Variants in ADARB2 observed in about 807,000 individuals in gnomAD.
The protein encoded by ADARB2 is adenosine deaminase RNA specific B2 (inactive), also known as inactive double-stranded RNA-specific editase B2.
ADARB2 carries 25 observed loss-of-function variants against 62.2 expected under a neutral mutation model. That is an observed-to-expected ratio of 0.40 (90% CI 0.29 to 0.56). The LOEUF is 0.56. Among genes scored for constraint, ADARB2 ranks in the 20% least tolerant of loss-of-function variants. The probability of loss-of-function intolerance (pLI) is 0.43; values close to 1 mark genes in which losing one functional copy is unlikely to be tolerated. For synonymous variants in ADARB2, 572 were observed against 500.8 expected, an observed-to-expected ratio of 1.14 and a Z score of -1.90; for missense variants, 1,071 against 1,077.4, an observed-to-expected ratio of 0.99 and a Z score of 0.08.
chr10:1,189,633 AGCTGCAGGG>A (rs1836810733), intron 8 of ADARB2, among the ~76,000 whole-genome samples: 1 of 152,076 alleles, frequency 6.6e-6, no homozygotes, highest in African/African-American at 2.4e-5. Flanking sequence ...GGGTGTCTGC[AGCTGCAGGG>A]GCACCTACTC....
intron 1 of ADARB2, among the ~76,000 whole-genome samples, chr10:1,511,950 A>T (rs1831941904): frequency 6.6e-6 from 1 of 151,594 alleles, no homozygotes; most frequent in African/African-American, 2.4e-5. Flanking sequence ...TCTATACTAG[A>T]TACCAAGACT....
At chr10:1,535,952 GC>G (rs1162426414) in intron 1 of ADARB2, among the ~76,000 whole-genome samples, 1 of 152,184 alleles carries the variant, frequency 6.6e-6, no homozygotes, top group Non-Finnish European at 1.5e-5. Flanking sequence ...TGAAAGGGAG[GC>G]AGACATCAAA....
At chr10:1,521,281 T>G (rs1564315916) in intron 1 of ADARB2, among the ~76,000 whole-genome samples, 1 of 152,198 alleles carries the variant, frequency 6.6e-6, no homozygotes, top group Non-Finnish European at 1.5e-5. Flanking sequence ...ATGTAGTGGT[T>G]AAAAGCAAGT....
intron 1 of ADARB2, among the ~76,000 whole-genome samples, chr10:1,621,936 TAAAG>T (rs1193250846): frequency 1.1e-4 from 16 of 151,756 alleles, no homozygotes; most frequent in African/African-American, 1.5e-4. Flanking sequence ...TGCAAAAAAA[TAAAG>T]AAAGAAAAAG....
At chr10:1,466,722 C>T (rs1316112382) in intron 1 of ADARB2, among the ~76,000 whole-genome samples, 1 of 152,158 alleles carries the variant, frequency 6.6e-6, no homozygotes, top group East Asian at 1.9e-4. Context: ...GTTGGATCCC[C>T]AGAAAGCCCC....
intron 3 of ADARB2, chr10:1,292,280 A>G (rs1452385594): frequency 2.0e-5 from 3 of 151,976 alleles, no homozygotes; most frequent in African/African-American, 7.3e-5. Flanking sequence ...CTTGTTTTTC[A>G]CTCCCAGGGA....
intron 3 of ADARB2, among the ~76,000 whole-genome samples, chr10:1,308,825 G>A (rs1831657383): frequency 6.6e-6 from 1 of 152,140 alleles, no homozygotes; most frequent in African/African-American, 2.4e-5. Context: ...TTTTAGAAAG[G>A]ACAGGATAAA....
intron 1 of ADARB2, among the ~76,000 whole-genome samples, chr10:1,654,350 GCCA>G (rs1834149603): frequency 6.6e-6 from 1 of 152,150 alleles, no homozygotes; most frequent in African/African-American, 2.4e-5. Flanking sequence ...CAGTGTGAGG[GCCA>G]CATTTCCTGG....
At chr10:1,264,335 G>C (rs1831173561) in intron 4 of ADARB2, among the ~76,000 whole-genome samples, 1 of 152,168 alleles carries the variant, frequency 6.6e-6, no homozygotes, top group Admixed American at 6.5e-5. Flanking sequence ...ATTCAGGGGA[G>C]ACAACGGAAG....
intron 1 of ADARB2, among the ~76,000 whole-genome samples, chr10:1,479,728 A>G (rs1404948285): frequency 6.6e-6 from 1 of 152,178 alleles, no homozygotes; most frequent in Non-Finnish European, 1.5e-5. Flanking sequence ...TAGTTATTTG[A>G]GGGATTCATT....
chr10:1,396,272 C>G (rs899654179), intron 1 of ADARB2, among the ~76,000 whole-genome samples: 1 of 152,132 alleles, frequency 6.6e-6, no homozygotes, highest in Non-Finnish European at 1.5e-5. Context: ...AGAGTGCTGC[C>G]GGACTGAACT....
intron 1 of ADARB2, among the ~76,000 whole-genome samples, chr10:1,698,880 C>T (rs12260730): frequency 0.032 from 4,860 of 152,332 alleles, 263 homozygotes; most frequent in African/African-American, 0.11. Context: ...CCTGCCTCAG[C>T]CTCCTGAGTA....
At chr10:1,410,674 C>T (rs759609975) in intron 1 of ADARB2, among the ~76,000 whole-genome samples, 3 of 152,126 alleles carry the variant, frequency 2.0e-5, no homozygotes, top group South Asian at 2.1e-4. Context: ...TCTGCCACAG[C>T]GGCTGCGGTG....
At chr10:1,479,405 C>T (rs540682224) in intron 1 of ADARB2, among the ~76,000 whole-genome samples, 7 of 152,266 alleles carry the variant, frequency 4.6e-5, no homozygotes, top group African/African-American at 1.2e-4. Context: ...CGGCCTCACA[C>T]GGCGGGTTTG....
chr10:1,431,821 C>T (rs147841751), intron 1 of ADARB2, among the ~76,000 whole-genome samples: 122 of 152,208 alleles, frequency 8.0e-4, no homozygotes, highest in African/African-American at 2.8e-3. Flanking sequence ...AAACTATGAA[C>T]AATTTTAAGT....
chr10:1,249,499 C>T (rs994250746), intron 4 of ADARB2, among the ~76,000 whole-genome samples: 3 of 150,462 alleles, frequency 2.0e-5, no homozygotes, highest in African/African-American at 7.3e-5. Context: ...TAATTACAGA[C>T]ACTGATAAGG....
intron 1 of ADARB2, among the ~76,000 whole-genome samples, chr10:1,616,565 TCC>T (rs3062752): frequency 0.64 from 64,530 of 100,630 alleles, 20,391 homozygotes; most frequent in African/African-American, 0.72. Context: ...CCAGACACAC[TCC>T]GCACCACCCT....
chr10:1,729,445 C>A (rs1007006311), intron 1 of ADARB2, among the ~76,000 whole-genome samples: 13 of 152,134 alleles, frequency 8.5e-5, no homozygotes, highest in African/African-American at 2.9e-4. Context: ...AGCATCTGCT[C>A]CAGACAGGGA....
At chr10:1,293,203 A>AAAGG (rs1831489753) in intron 3 of ADARB2, among the ~76,000 whole-genome samples, 2 of 49,730 alleles carry the variant, frequency 4.0e-5, no homozygotes, top group Non-Finnish European at 5.2e-5. Context: ...AATAGAAAAA[A>AAAGG]GAGGGAGGGA....
Sources: allele counts gnomAD v4.1 joint callset (sites outside exome capture counted in the v4.1 genomes callset), GRCh38; gene constraint gnomAD v4.1.1; transcripts MANE v1.5; gene names NCBI Gene and HGNC (gene_info 2026-07-23, HGNC 2026-07-21).